The following ARHGAP15 variants were observed in gnomAD, a reference collection of about 807,000 sequenced individuals.
ARHGAP15 encodes the protein rho GTPase-activating protein 15.
In ARHGAP15, 51 loss-of-function variants were observed where a neutral mutation model predicts 63.7. The observed-to-expected ratio is 0.80, with a 90% CI of 0.64 to 1.01. The LOEUF is 1.01. Among genes scored for constraint, ARHGAP15 ranks in the 50% least tolerant of loss-of-function variants. The pLI is 0.00. For synonymous variants in ARHGAP15, 191 were observed against 193.8 expected (o/e 0.99, Z 0.12); for missense variants, 560 against 564.6 (o/e 0.99, Z 0.08).
intron 12 of ARHGAP15, among the ~76,000 whole-genome samples, chr2:143,636,002 A>C (rs547417097): frequency 1.3e-5 from 2 of 152,160 alleles, no homozygotes; most frequent in Non-Finnish European, 2.9e-5. Flanking sequence ...TGGAATTCTA[A>C]AAGATCAAAT....
At chr2:143,239,744 A>G (rs1176511131) in intron 5 of ARHGAP15, among the ~76,000 whole-genome samples, 1 of 152,102 alleles carries the variant, frequency 6.6e-6, no homozygotes. Context: ...GAATCCCAGT[A>G]CTTTGGGAGC....
intron 6 of ARHGAP15, among the ~76,000 whole-genome samples, chr2:143,262,160 A>C (rs1680754923): frequency 6.6e-6 from 1 of 152,178 alleles, no homozygotes; most frequent in African/African-American, 2.4e-5. Flanking sequence ...CTGTTGCACC[A>C]GCTGCAGCTG....
At chr2:143,296,307 G>A (rs564096485) in intron 6 of ARHGAP15, among the ~76,000 whole-genome samples, 1 of 152,116 alleles carries the variant, frequency 6.6e-6, no homozygotes, top group Non-Finnish European at 1.5e-5. Context: ...ACAAGGAATG[G>A]CACAGAGAAG....
At chr2:143,394,436 T>A (rs1047792182) in intron 6 of ARHGAP15, among the ~76,000 whole-genome samples, 2 of 152,164 alleles carry the variant, frequency 1.3e-5, no homozygotes, top group Non-Finnish European at 2.9e-5. Context: ...TTGTTAACAG[T>A]GCAAGCATGG....
intron 6 of ARHGAP15, among the ~76,000 whole-genome samples, chr2:143,316,050 C>CA (rs1358693057): frequency 6.6e-6 from 1 of 152,026 alleles, no homozygotes; most frequent in Non-Finnish European, 1.5e-5. Context: ...GGCACCATTG[C>CA]ACTCCATCCT....
chr2:143,557,137 T>C (rs1007395848), intron 11 of ARHGAP15, among the ~76,000 whole-genome samples: 1 of 152,124 alleles, frequency 6.6e-6, no homozygotes, highest in Non-Finnish European at 1.5e-5. Context: ...CAGTACTTCT[T>C]GGTACTAACC....
At chr2:143,492,197 C>T (rs1297944244) in intron 9 of ARHGAP15, among the ~76,000 whole-genome samples, 2 of 152,154 alleles carry the variant, frequency 1.3e-5, no homozygotes, top group East Asian at 1.9e-4. Context: ...TGGTTCTTCT[C>T]CTCGCCAGAT....
At chr2:143,630,084 T>A (rs1206387264) in intron 12 of ARHGAP15, among the ~76,000 whole-genome samples, 1 of 152,166 alleles carries the variant, frequency 6.6e-6, no homozygotes, top group East Asian at 1.9e-4. Context: ...AAGCATTTTT[T>A]CTACATTTTA....
At chr2:143,620,382 T>A (rs1698604588) in intron 11 of ARHGAP15, among the ~76,000 whole-genome samples, 1 of 152,218 alleles carries the variant, frequency 6.6e-6, no homozygotes, top group African/African-American at 2.4e-5. Context: ...TACCAATTTG[T>A]TTTGTATCTG....
intron 10 of ARHGAP15, among the ~76,000 whole-genome samples, chr2:143,539,260 T>C (rs1285744508): frequency 6.6e-6 from 1 of 152,182 alleles, no homozygotes; most frequent in African/African-American, 2.4e-5. Flanking sequence ...TCTATTTGAT[T>C]CTTCTCTCTT....
At chr2:143,559,671 T>C (rs1389611842) in intron 11 of ARHGAP15, among the ~76,000 whole-genome samples, 4 of 152,214 alleles carry the variant, frequency 2.6e-5, no homozygotes, top group African/African-American at 9.6e-5. Context: ...CCCCTCCATC[T>C]GGACCAGGAC....
intron 10 of ARHGAP15, among the ~76,000 whole-genome samples, chr2:143,540,311 A>G (rs935873278): frequency 1.3e-5 from 2 of 152,138 alleles, no homozygotes; most frequent in African/African-American, 4.8e-5. Context: ...CAGCACTATG[A>G]TGGGTCTTGA....
chr2:143,319,028 C>G (rs1161093310), intron 6 of ARHGAP15, among the ~76,000 whole-genome samples: 1 of 152,082 alleles, frequency 6.6e-6, no homozygotes, highest in African/African-American at 2.4e-5. Flanking sequence ...AATTTCTCTT[C>G]CTATAGATTT....
intron 8 of ARHGAP15, among the ~76,000 whole-genome samples, chr2:143,454,745 A>G (rs1176908209): frequency 1.3e-5 from 2 of 152,094 alleles, no homozygotes; most frequent in Non-Finnish European, 2.9e-5. Context: ...AACTCAGATT[A>G]AAATGCTCTA....
chr2:143,415,361 CAT>C (rs1688629897), intron 6 of ARHGAP15, among the ~76,000 whole-genome samples: 1 of 150,594 alleles, frequency 6.6e-6, no homozygotes, highest in African/African-American at 2.4e-5. Flanking sequence ...CTACAAAGAA[CAT>C]AAAAAAAGGA....
At chr2:143,494,569 G>C (rs765675848) in intron 9 of ARHGAP15, among the ~76,000 whole-genome samples, 1 of 151,982 alleles carries the variant, frequency 6.6e-6, no homozygotes, top group Non-Finnish European at 1.5e-5. Context: ...ATTTTAAATT[G>C]TTCTCTTCTG....
intron 10 of ARHGAP15, among the ~76,000 whole-genome samples, chr2:143,543,705 G>A (rs1216270444): frequency 6.6e-6 from 1 of 151,974 alleles, no homozygotes; most frequent in Non-Finnish European, 1.5e-5. Flanking sequence ...ATTTCCACAA[G>A]TCTTTCAATG....
At chr2:143,159,841 T>C (rs1407178295) in intron 2 of ARHGAP15, among the ~76,000 whole-genome samples, 1 of 151,964 alleles carries the variant, frequency 6.6e-6, no homozygotes, top group Non-Finnish European at 1.5e-5. Context: ...GTTTGATGAT[T>C]TCCTTTTATT....
intron 10 of ARHGAP15, among the ~76,000 whole-genome samples, chr2:143,546,472 G>T (rs1695334138): frequency 6.6e-6 from 1 of 151,914 alleles, no homozygotes; most frequent in Non-Finnish European, 1.5e-5. Flanking sequence ...AAAAGTGTAT[G>T]TAGGCACAGA....
Sources: gnomAD v4.1 joint callset for allele counts (sites outside exome capture counted in the v4.1 genomes callset) on GRCh38, gnomAD v4.1.1 for gene constraint, MANE v1.5 for transcripts, NCBI Gene and HGNC (gene_info 2026-07-23, HGNC 2026-07-21) for gene names.